Variants in DLGAP1 observed in about 807,000 individuals in gnomAD.
DLGAP1 encodes the protein disks large-associated protein 1.
In DLGAP1, 11 loss-of-function variants were observed where a neutral mutation model predicts 90.8. The ratio of observed to expected loss-of-function variants is 0.12; its 90% confidence interval spans 0.08 to 0.20. DLGAP1 has a LOEUF of 0.20. DLGAP1 is among the 10% of genes least tolerant of loss of function. The pLI is 1.00. For missense variants in DLGAP1, 1,050 were observed against 1,333.8 expected (o/e 0.79, Z 3.31); for synonymous variants, 558 against 540.7 (o/e 1.03, Z -0.44).
In DLGAP1 at chr18:4,057,965, G is replaced by A. The variant is rs575859275; in HGVS notation, c.-158-52764C>T. On this transcript the variant is annotated intron_variant, in intron 2 of 12. Coordinates refer to ENST00000315677, the MANE Select transcript of DLGAP1 (RefSeq NM_004746.4). ...CTCTGCTCCTCCTGGCTGATCTCTCGGTTCACTCTGATGGGTGGCTTGTGG... is the reference window on the plus strand; with the variant it reads ...CTCTGCTCCTCCTGGCTGATCTCTCAGTTCACTCTGATGGGTGGCTTGTGG... Among the ~76,000 whole-genome samples the A allele has an allele frequency of 9.6e-4, 146 of 152,142 alleles. 2 individuals are homozygous for A. The highest frequency in any genetic ancestry group is 3.4e-3 in the African/African-American group (140 of 41,506).
intron 5 of DLGAP1, among the ~76,000 whole-genome samples, chr18:3,808,564 A>G (rs989457910): frequency 1.3e-5 from 2 of 152,224 alleles, no homozygotes; most frequent in Non-Finnish European, 1.5e-5. Context: ...ACAAAAAAGC[A>G]TTTAGGCAAA....
chr18:3,846,854 A>G (rs905758016), intron 4 of DLGAP1, among the ~76,000 whole-genome samples: 1 of 152,174 alleles, frequency 6.6e-6, no homozygotes, highest in Non-Finnish European at 1.5e-5. Flanking sequence ...AGTGAAGAAA[A>G]TATTTTTATC....
chr18:4,174,541 G>A (rs2077075112), intron 1 of DLGAP1, among the ~76,000 whole-genome samples: 1 of 151,942 alleles, frequency 6.6e-6, no homozygotes, highest in African/African-American at 2.4e-5. Context: ...CACCATCTTG[G>A]TCAGGCTGAT....
In DLGAP1 at chr18:3,855,916, A is replaced by G. The variant is rs1403998490; in HGVS notation, c.957+23196T>C. On this transcript the variant is annotated intron_variant, in intron 4 of 12. Coordinates refer to ENST00000315677, the MANE Select transcript of DLGAP1 (RefSeq NM_004746.4). ...GTGAGCCACCACGCCTGGCCAAAAA[A>G]TTTATTCTTATTTTATGGCTCCAAG... 2.0e-5 allele frequency among the ~76,000 whole-genome samples: 3 copies of G among 152,198 alleles called. No homozygotes were observed. The East Asian group carries it at 5.8e-4, about 29-fold the overall frequency.
intron 1 of DLGAP1, among the ~76,000 whole-genome samples, chr18:4,226,596 T>G (rs2078192901): frequency 6.6e-6 from 1 of 151,452 alleles, no homozygotes. Flanking sequence ...TCTTTGCTTG[T>G]TAATTTGTTT....
At chr18:4,353,988 A>G (rs1328299051) in intron 1 of DLGAP1, among the ~76,000 whole-genome samples, 1 of 152,160 alleles carries the variant, frequency 6.6e-6, no homozygotes, top group Non-Finnish European at 1.5e-5. Flanking sequence ...ACTGAGATGA[A>G]TGAGACTTTC....
At chr18:3,551,004 G>A (rs2144796306) in intron 9 of DLGAP1, among the ~76,000 whole-genome samples, 1 of 151,960 alleles carries the variant, frequency 6.6e-6, no homozygotes. Context: ...GCCTCCCAAA[G>A]TGCTGGGATT....
intron 1 of DLGAP1, among the ~76,000 whole-genome samples, chr18:4,354,924 A>AAAAAAAAAAAAAAAAC (rs2081475841): frequency 8.4e-6 from 1 of 118,440 alleles, no homozygotes; most frequent in African/African-American, 3.4e-5. Context: ...AAAAAAAAAA[A>AAAAAAAAAAAAAAAAC]TCCTCTCTAC....
chr18:4,260,872 A>G (rs1225779565), intron 1 of DLGAP1, among the ~76,000 whole-genome samples: 1 of 152,272 alleles, frequency 6.6e-6, no homozygotes, highest in Non-Finnish European at 1.5e-5. Flanking sequence ...AAAAACATCC[A>G]GAAACGATTG....
At chr18:3,964,413 G>A (rs769504228) in intron 3 of DLGAP1, among the ~76,000 whole-genome samples, 3 of 152,208 alleles carry the variant, frequency 2.0e-5, no homozygotes, top group African/African-American at 7.2e-5. Context: ...TACGGCAGAG[G>A]TGGTGAGAAG....
intron 8 of DLGAP1, among the ~76,000 whole-genome samples, chr18:3,572,508 C>T (rs1361980536): frequency 5.3e-5 from 8 of 150,590 alleles, no homozygotes; most frequent in East Asian, 3.9e-4. Context: ...AGTGCAGTGG[C>T]GCAATCTAAG....
At chr18:4,274,427 A>T (rs1372551965) in intron 1 of DLGAP1, among the ~76,000 whole-genome samples, 1 of 152,112 alleles carries the variant, frequency 6.6e-6, no homozygotes, top group Admixed American at 6.5e-5. Flanking sequence ...TTTATGGACT[A>T]GTATATGGTC....
rs189673034 is a variant in DLGAP1 at position 3,566,091 on chromosome 18, G to A, written c.2057+1399C>T. On this transcript the variant is annotated intron_variant, in intron 9 of 12. Transcript: ENST00000315677. ...TAGCTGTATAATAGTTTACCTTGGT[G>A]AGGTGCTATAAATTACAAAAGCATG... is the stretch of plus-strand genomic sequence containing the variant. Among the ~76,000 whole-genome samples the A allele has an allele frequency of 2.0e-5, 3 of 150,786 alleles. No individual in the cohort carries two copies. The East Asian group carries it at 5.8e-4, about 29-fold the overall frequency.
At chr18:3,802,045 C>T (rs892890894) in intron 5 of DLGAP1, among the ~76,000 whole-genome samples, 5 of 150,042 alleles carry the variant, frequency 3.3e-5, no homozygotes, top group Non-Finnish European at 7.4e-5. Context: ...AGTGCAGTGG[C>T]GTGATCTTGG....
chr18:4,101,566 G>C (rs1272472041), intron 2 of DLGAP1, among the ~76,000 whole-genome samples: 2 of 152,070 alleles, frequency 1.3e-5, no homozygotes, highest in Non-Finnish European at 2.9e-5. Flanking sequence ...GCATAACGCA[G>C]GGTTGCCACA....
chr18:4,208,135 C>T (rs1443599238), intron 1 of DLGAP1, among the ~76,000 whole-genome samples: 1 of 152,158 alleles, frequency 6.6e-6, no homozygotes, highest in Admixed American at 6.5e-5. Context: ...CTTGATACAA[C>T]AATCAGAGAG....
rs146575719 is a variant in DLGAP1 at position 4,197,791 on chromosome 18, G to A, written c.-266-46504C>T. ...ATCTGCAGGTGTCAGCTAAAACCCC[G>A]TGAATGTTAGAGATGAAGTAGGGAG... is the stretch of plus-strand genomic sequence containing the variant. On this transcript the variant is annotated intron_variant, in intron 1 of 12. Coordinates refer to ENST00000315677, the MANE Select transcript of DLGAP1 (RefSeq NM_004746.4). Among the ~76,000 whole-genome samples, 311 of 152,260 alleles carry A rather than the reference G, an allele frequency of 2.0e-3. 1 individual carries two copies. Among genetic ancestry groups the A allele is most frequent in the African/African-American group, 7.1e-3 (297 of 41,540 alleles).
chr18:4,265,628 TCCCTCCCTCC>T (rs2079104274), intron 1 of DLGAP1, among the ~76,000 whole-genome samples: 2 of 42,250 alleles, frequency 4.7e-5, no homozygotes, highest in African/African-American at 3.9e-4. Context: ...TCCCTCCCCT[TCCCTCCCTCC>T]CCTTCCCTCC....
In DLGAP1 at chr18:3,499,026, C is replaced by A; in HGVS notation, c.*159G>T. The A allele has an allele frequency of 1.6e-6, 1 of 635,580 alleles. No homozygotes were observed. Among genetic ancestry groups the A allele is most frequent in the Middle Eastern group, 4.4e-4 (1 of 2,274 alleles). The allele number at this position is 635,580 out of a possible 1,614,324, so 39.4% of individuals were successfully genotyped here. A position where few individuals can be genotyped will look rare whatever the true frequency, so the allele number is the denominator to read the frequency against. On this transcript the variant is annotated 3_prime_UTR_variant, in exon 13 of 13. Coordinates refer to ENST00000315677, the MANE Select transcript of DLGAP1 (RefSeq NM_004746.4). The surrounding 1 kb of genome is among the most constrained non-coding windows in gnomAD (Gnocchi z 6.4). ...CGGGAAGTGGGGGGCTGAGGGGGGC[C>A]CGGGGGGCGGCTCCTGCGAGGTGGA... is the stretch of plus-strand genomic sequence containing the variant.
Sources: gnomAD v4.1 joint callset for allele counts (sites outside exome capture counted in the v4.1 genomes callset) on GRCh38, gnomAD v4.1.1 for gene constraint, Gnocchi (gnomAD v3.1) non-coding constraint, MANE v1.5 for transcripts, NCBI Gene and HGNC (gene_info 2026-07-23, HGNC 2026-07-21) for gene names.